Variants in SPG11 observed in about 807,000 individuals in gnomAD.
The protein encoded by SPG11 is spatacsin.
Under a neutral mutation model 274.0 loss-of-function variants are expected in SPG11, and 222 were observed. That is an observed-to-expected ratio of 0.81 (90% CI 0.73 to 0.91). The LOEUF (loss-of-function observed/expected upper bound fraction) is 0.91, where lower values mean the gene tolerates loss of function less well. SPG11 is among the 40% of genes least tolerant of loss of function. The probability of loss-of-function intolerance (pLI) is 0.00; values close to 1 mark genes in which losing one functional copy is unlikely to be tolerated. For synonymous variants in SPG11, 1,144 were observed against 1,039.7 expected (o/e 1.10, Z -1.93); for missense variants, 3,114 against 2,872.7 (o/e 1.08, Z -1.92).
chr15:44,659,964 G>C (rs765584521), intron 2 of SPG11, among the ~76,000 whole-genome samples: 18 of 152,190 alleles, frequency 1.2e-4, no homozygotes, highest in African/African-American at 4.1e-4. Flanking sequence ...AGAAGGCTGA[G>C]GTGGGACAAT....
chr15:44,578,311 G>A (rs1380413006), intron 30 of SPG11, among the ~76,000 whole-genome samples: 2 of 151,646 alleles, frequency 1.3e-5, no homozygotes, highest in African/African-American at 4.8e-5. Flanking sequence ...GATTACAGGC[G>A]TGAGCCACCG....
intron 30 of SPG11, among the ~76,000 whole-genome samples, chr15:44,581,588 A>C (rs999785538): frequency 6.6e-6 from 1 of 150,918 alleles, no homozygotes; most frequent in Admixed American, 6.6e-5. Context: ...ATGATGAAAA[A>C]CTGATTATTA....
intron 33 of SPG11, chr15:44,572,366 A>C: frequency 2.7e-6 from 1 of 368,298 alleles, no homozygotes; most frequent in South Asian, 2.3e-5. Context: ...TAACAGATGT[A>C]ATCAGCTTTC....
chr15:44,587,757 C>T (rs974835676), intron 28 of SPG11, among the ~76,000 whole-genome samples: 3 of 138,960 alleles, frequency 2.2e-5, no homozygotes, highest in Non-Finnish European at 3.1e-5. Flanking sequence ...ATGTTAAATA[C>T]GCACACATAG....
chr15:44,579,526 C>CAAAAAAAAAAAAAAAAAAAAAAAAAAA (rs954664107), intron 30 of SPG11, among the ~76,000 whole-genome samples: 1 of 51,870 alleles, frequency 1.9e-5, no homozygotes, highest in Non-Finnish European at 3.8e-5. Context: ...GACTCCGTCT[C>CAAAAAAAAAAAAAAAAAAAAAAAAAAA]AAAAAAAAAA....
rs202046215 is a variant in SPG11 at position 44,601,560 on chromosome 15, T to TC, written c.3521-929_3521-928insG. 1.1e-3 allele frequency among the ~76,000 whole-genome samples: 155 copies of TC among 147,120 alleles called. 1 individual carries two copies. The highest frequency in any genetic ancestry group is 3.3e-3 in the African/African-American group (126 of 37,946). ...ACATGCGTGCGCCCAGCCTCTTCTT[T>TC]TTTTTTTTTTTTTTTTAAATAGAAT... On this transcript the variant is annotated intron_variant, in intron 20 of 39. Coordinates refer to ENST00000261866, the MANE Select transcript of SPG11 (RefSeq NM_025137.4).
At chr15:44,577,845 C>T (rs976825300) in intron 30 of SPG11, among the ~76,000 whole-genome samples, 3 of 151,998 alleles carry the variant, frequency 2.0e-5, no homozygotes, top group Non-Finnish European at 2.9e-5. Flanking sequence ...AGTGTGAGTG[C>T]GAGAGTGTGT....
chr15:44,576,221 GA>G (rs1035389377), intron 30 of SPG11, among the ~76,000 whole-genome samples: 14 of 147,048 alleles, frequency 9.5e-5, no homozygotes, highest in African/African-American at 2.5e-4. Context: ...TTTCTATTAG[GA>G]AAAAAAAGTA....
In SPG11 at chr15:44,592,441, T is replaced by C. The variant is rs1433545924; in HGVS notation, c.4636-3A>G. ...ATCACCAGTAGTAACGGGGAATCCT[T>C]TGACAAAGAGTTTGAAAAAAATTAC... On this transcript the variant is annotated splice_region_variant and splice_polypyrimidine_tract_variant and intron_variant, in intron 26 of 39. Coordinates refer to ENST00000261866, the MANE Select transcript of SPG11 (RefSeq NM_025137.4). 1.3e-6 allele frequency: 2 copies of C among 1,557,012 alleles called. No individual in the cohort carries two copies. Among genetic ancestry groups the C allele is most frequent in the Non-Finnish European group, 1.8e-6 (2 of 1,128,200 alleles).
At chr15:44,605,533 C>T (rs1165844012) in intron 20 of SPG11, among the ~76,000 whole-genome samples, 1 of 152,116 alleles carries the variant, frequency 6.6e-6, no homozygotes, top group Non-Finnish European at 1.5e-5. Context: ...GTCTTATGGT[C>T]TTTATAGGAC....
chr15:44,635,595 CAAAAAAAAAAAAAAA>C (rs56776994), intron 7 of SPG11, among the ~76,000 whole-genome samples: 3 of 54,072 alleles, frequency 5.5e-5, no homozygotes, highest in Non-Finnish European at 7.3e-5. Flanking sequence ...AACCCTGTCT[CAAAAAAAAAAAAAAA>C]AAAAAAAAAA....
At chr15:44,581,570 A>G (rs1226020250) in intron 30 of SPG11, among the ~76,000 whole-genome samples, 3 of 151,170 alleles carry the variant, frequency 2.0e-5, no homozygotes, top group Non-Finnish European at 4.4e-5. Flanking sequence ...AAATAGAGAC[A>G]TTCTCAGATG....
intron 19 of SPG11, among the ~76,000 whole-genome samples, chr15:44,606,955 G>C (rs146265883): frequency 2.0e-5 from 3 of 152,256 alleles, no homozygotes; most frequent in African/African-American, 7.2e-5. Flanking sequence ...TCTGTGACCT[G>C]TACTTTCCCA....
At chr15:44,623,437 C>A (rs1242455839) in intron 11 of SPG11, among the ~76,000 whole-genome samples, 1 of 152,152 alleles carries the variant, frequency 6.6e-6, no homozygotes, top group African/African-American at 2.4e-5. Flanking sequence ...TTACACAGTT[C>A]CACTCCTCTG....
chr15:44,649,507 C>T (rs2084702105), intron 6 of SPG11, among the ~76,000 whole-genome samples: 1 of 152,116 alleles, frequency 6.6e-6, no homozygotes, highest in East Asian at 1.9e-4. Context: ...GTTTTGATTA[C>T]AAGCGTGAGC....
At chr15:44,568,132 AAAG>A (rs1317775831) in intron 35 of SPG11, among the ~76,000 whole-genome samples, 1 of 152,216 alleles carries the variant, frequency 6.6e-6, no homozygotes, top group Non-Finnish European at 1.5e-5. Context: ...GTACATGTGC[AAAG>A]AAGGCCTATA....
chr15:44,562,968 GT>G lies in SPG11; in HGVS notation c.*152del. The G allele has an allele frequency of 2.9e-6, 2 of 678,918 alleles. No homozygotes were observed. The highest frequency in any genetic ancestry group is 3.7e-5 in the South Asian group (2 of 54,630). The allele number at this position is 678,918 out of a possible 1,614,324, so 42.1% of individuals were successfully genotyped here. ...TTAAATAGGAATTTCCTCCTGAAAA[GT>G]TTCTTACTTGCTACCTACTACCCAC... is the stretch of plus-strand genomic sequence containing the variant. On this transcript the variant is annotated 3_prime_UTR_variant, in exon 40 of 40. Coordinates refer to ENST00000261866, the MANE Select transcript of SPG11 (RefSeq NM_025137.4).
At chr15:44,564,840 T>A in intron 38 of SPG11, 142 bp from the exon 39 acceptor site, 1 of 937,638 alleles carries the variant, frequency 1.1e-6, no homozygotes, top group South Asian at 1.6e-5. Context: ...GCTCTATGTA[T>A]CAGAGGTGGT....
intron 2 of SPG11, among the ~76,000 whole-genome samples, chr15:44,659,993 G>A (rs890388396): frequency 2.0e-5 from 3 of 152,142 alleles, no homozygotes; most frequent in East Asian, 3.8e-4. Context: ...CTGGGGAGGC[G>A]AAGGTTGCAG....
Sources: gnomAD v4.1 joint callset for allele counts (sites outside exome capture counted in the v4.1 genomes callset) on GRCh38, gnomAD v4.1.1 for gene constraint, MANE v1.5 for transcripts, NCBI Gene and HGNC (gene_info 2026-07-23, HGNC 2026-07-21) for gene names.